Variants in ADAMTS18 observed in about 807,000 individuals in gnomAD.
ADAMTS18 encodes ADAM metallopeptidase with thrombospondin type 1 motif 18.
A neutral mutation model predicts 165.9 loss-of-function variants in ADAMTS18; 157 were observed. That is an observed-to-expected ratio of 0.95 (90% CI 0.83 to 1.08). The LOEUF is 1.08. Among genes scored for constraint, ADAMTS18 ranks in the 50% least tolerant of loss-of-function variants. ADAMTS18 has a pLI of 0.00. For missense variants in ADAMTS18, 2,040 were observed against 1,534.0 expected, an observed-to-expected ratio of 1.33 and a Z score of -5.51; for synonymous variants, 782 against 578.2, an observed-to-expected ratio of 1.35 and a Z score of -5.06.
chr16:77,347,303 C>A (rs2056491918), intron 10 of ADAMTS18, among the ~76,000 whole-genome samples: 3 of 152,136 alleles, frequency 2.0e-5, no homozygotes, highest in African/African-American at 7.2e-5. Flanking sequence ...TTATTTATTT[C>A]AGGTAGATAC....
Position 77,341,769 on chromosome 16 carries a change from C to G in ADAMTS18, c.1645G>C (p.Val549Leu). The G allele has an allele frequency of 1.2e-6, 2 of 1,613,288 alleles. No homozygotes were observed. Among genetic ancestry groups the G allele is most frequent in the African/African-American group, 1.3e-5 (1 of 74,940 alleles). Residue 549 changes from valine (V) to leucine (L), a missense_variant, in exon 11 of 23, where the codon GTA (valine) becomes CTA (leucine). Coordinates refer to ENST00000282849, the MANE Select transcript of ADAMTS18 (RefSeq NM_199355.4). ...AACTTGGTCTCACACCTGTGGCCTA[C>G]TCGGTGGCACCAAAGTGATTTGCAA... ...DICKSLWCHR[V>L]GHRCETKFMP...
intron 16 of ADAMTS18, among the ~76,000 whole-genome samples, chr16:77,302,902 G>T (rs754969462): frequency 6.6e-6 from 1 of 152,114 alleles, no homozygotes; most frequent in African/African-American, 2.4e-5. Flanking sequence ...TTAAGAAAAA[G>T]ACTGTGATGA....
At chr16:77,341,999 C>G (rs1035669744) in intron 10 of ADAMTS18, among the ~76,000 whole-genome samples, 200 bp from the exon 11 acceptor site, 2 of 152,084 alleles carry the variant, frequency 1.3e-5, no homozygotes, top group African/African-American at 4.8e-5. Flanking sequence ...CTACAGTATC[C>G]AGATATTCAT....
chr16:77,411,713 G>C (rs1360366752), intron 3 of ADAMTS18, among the ~76,000 whole-genome samples: 1 of 106,512 alleles, frequency 9.4e-6, no homozygotes, highest in African/African-American at 3.8e-5. Context: ...TTGAGACAGA[G>C]TCTTGCCCTG....
intron 11 of ADAMTS18, among the ~76,000 whole-genome samples, chr16:77,338,871 G>A (rs963944772): frequency 2.6e-5 from 4 of 151,126 alleles, no homozygotes; most frequent in South Asian, 2.1e-4. Flanking sequence ...GGAGAATGGC[G>A]TGAACCCGGG....
rs145852793 is a variant in ADAMTS18 at position 77,335,848 on chromosome 16, G to A, written c.1767C>T (p.His589=). ...ACTTCGACCAGGCGGACCACTGGCC[G>A]TGGATGGGCCGGGGCCCGAGCTCCC... ...KFGELGPRPI[H]GQWSAWSKWS... is the part of the protein sequence containing the mutation. Residue 589 remains histidine, a synonymous_variant, in exon 12 of 23, where the codon CAC becomes CAT. Coordinates refer to ENST00000282849, the MANE Select transcript of ADAMTS18 (RefSeq NM_199355.4). 9.9e-5 allele frequency: 160 copies of A among 1,614,182 alleles called. No individual in the cohort carries two copies. The African/African-American group carries it at 1.7e-3, about 17-fold the overall frequency.
intron 8 of ADAMTS18, among the ~76,000 whole-genome samples, chr16:77,356,424 TTCTTA>T (rs1009838563): frequency 2.6e-5 from 4 of 152,300 alleles, no homozygotes; most frequent in Non-Finnish European, 4.4e-5. Flanking sequence ...AACAGTAGAA[TTCTTA>T]TCTTGTCACC....
intron 3 of ADAMTS18, among the ~76,000 whole-genome samples, chr16:77,404,083 T>C (rs994733167): frequency 2.8e-5 from 4 of 142,128 alleles, no homozygotes; most frequent in Non-Finnish European, 6.2e-5. Context: ...GAGTACAATA[T>C]GAAAATTCTT....
At chr16:77,349,747 G>C (rs748829687) in intron 10 of ADAMTS18, among the ~76,000 whole-genome samples, 1 of 152,136 alleles carries the variant, frequency 6.6e-6, no homozygotes, top group Non-Finnish European at 1.5e-5. Flanking sequence ...AAATGCTTGA[G>C]ACTTGTCTCG....
chr16:77,365,947 G>A (rs1047282071), intron 4 of ADAMTS18, among the ~76,000 whole-genome samples: 9 of 152,144 alleles, frequency 5.9e-5, no homozygotes, highest in African/African-American at 2.2e-4. Flanking sequence ...TTGCTTTGAT[G>A]TCTCATATCA....
chr16:77,343,296 A>G (rs1027129986), intron 10 of ADAMTS18, among the ~76,000 whole-genome samples: 4 of 151,888 alleles, frequency 2.6e-5, no homozygotes, highest in Non-Finnish European at 2.9e-5. Flanking sequence ...CTGGTCTCGA[A>G]CTCCCAACCT....
rs1370304297 is a variant in ADAMTS18, at chr16:77,289,427, G to A, written c.3403-16C>T. The A allele has an allele frequency of 6.2e-7, 1 of 1,613,686 alleles. No homozygotes were observed. The highest frequency in any genetic ancestry group is 8.5e-7 in the Non-Finnish European group (1 of 1,179,894). ...TGACTGTGCACTGCAGCAGAGAGAA[G>A]AGGAAGGAGTCAGAAACACTCTACT... is the stretch of plus-strand genomic sequence containing the variant. On this transcript the variant is annotated splice_polypyrimidine_tract_variant and intron_variant, in intron 21 of 22. Coordinates refer to ENST00000282849, the MANE Select transcript of ADAMTS18 (RefSeq NM_199355.4).
intron 3 of ADAMTS18, among the ~76,000 whole-genome samples, chr16:77,408,931 C>G (rs567761659): frequency 6.6e-6 from 1 of 151,938 alleles, no homozygotes; most frequent in African/African-American, 2.4e-5. Flanking sequence ...GAGAGAAAGG[C>G]CATAGTCACA....
At chr16:77,358,693 A>C (rs906974864) in intron 8 of ADAMTS18, among the ~76,000 whole-genome samples, 4 of 152,240 alleles carry the variant, frequency 2.6e-5, no homozygotes, top group Non-Finnish European at 4.4e-5. Context: ...ATGTTGAATA[A>C]AATATACACA....
At chr16:77,414,594 C>T (rs1864161) in intron 3 of ADAMTS18, among the ~76,000 whole-genome samples, 89,259 of 151,902 alleles carry the variant, frequency 0.59, 27,162 homozygotes, top group Middle Eastern at 0.73. Flanking sequence ...TACTGTACAG[C>T]GCTAGCCTGA....
intron 10 of ADAMTS18, among the ~76,000 whole-genome samples, chr16:77,351,261 T>A (rs777555566): frequency 3.0e-4 from 46 of 152,288 alleles, no homozygotes; most frequent in Admixed American, 2.2e-3. Flanking sequence ...CTTAAATCAT[T>A]TCTCTCTTAA....
At chr16:77,284,135 T>TTTTGAGATGGAGTCTCACTC (rs2055202901) in intron 22 of ADAMTS18, 64 bp from the exon 23 acceptor site, 5 of 1,174,750 alleles carry the variant, frequency 4.3e-6, no homozygotes, top group Middle Eastern at 2.0e-4. Flanking sequence ...TTTTTTTTTT[T>TTTTGAGATGGAGTCTCACTC]TTTGAGATGG....
At position 77,282,520 on chromosome 16, in the gene ADAMTS18, A is replaced by G. The variant is rs2055165418; in HGVS notation, c.*1436T>C. 1 of 152,606 alleles carries G rather than the reference A, an allele frequency of 6.6e-6. No individual in the cohort carries two copies. Among genetic ancestry groups the G allele is most frequent in the Admixed American group, 6.5e-5 (1 of 15,280 alleles). The allele number at this position is 152,606 out of a possible 1,614,324, so 9.5% of individuals were successfully genotyped here. A position where few individuals can be genotyped will look rare whatever the true frequency, so the allele number is the denominator to read the frequency against. On this transcript the variant is annotated 3_prime_UTR_variant, in exon 23 of 23. Transcript: ENST00000282849. The stretch of plus-strand genomic sequence containing the variant: ...GAATGGGAACGAAGTATGCTGCTAA[A>G]TTTAACAAACCACTGTCTAGTTGAT...
At chr16:77,310,364 T>C (rs908961711) in intron 16 of ADAMTS18, among the ~76,000 whole-genome samples, 1 of 152,322 alleles carries the variant, frequency 6.6e-6, no homozygotes, top group African/African-American at 2.4e-5. Flanking sequence ...TTCAGGACAG[T>C]AGTATAGACA....
Sources: gnomAD v4.1 joint callset for allele counts (sites outside exome capture counted in the v4.1 genomes callset) on GRCh38, gnomAD v4.1.1 for gene constraint, MANE v1.5 for transcripts, NCBI Gene and HGNC (gene_info 2026-07-23, HGNC 2026-07-21) for gene names.